Variants in KIAA1217 observed in about 807,000 individuals in gnomAD.
The protein encoded by KIAA1217 is sickle tail protein homolog.
Under a neutral mutation model 163.9 loss-of-function variants are expected in KIAA1217, and 88 were observed. The ratio of observed to expected loss-of-function variants is 0.54; its 90% CI spans 0.45 to 0.64. The LOEUF is 0.64. KIAA1217 is among the 30% of genes least tolerant of loss of function. The pLI, the probability that KIAA1217 is intolerant of heterozygous loss-of-function variation, is 0.00. For missense variants in KIAA1217, 2,372 were observed against 2,475.0 expected (o/e 0.96, Z 0.88); for synonymous variants, 903 against 923.1 (o/e 0.98, Z 0.39).
At position 23,812,683 on chromosome 10, in the gene KIAA1217, A is replaced by G. The variant is rs28674109; in HGVS notation, c.-321+117449A>G. 7.1e-3 allele frequency among the ~76,000 whole-genome samples: 1,074 copies of G among 152,224 alleles called. 19 individuals are homozygous for G. The highest frequency in any genetic ancestry group is 0.025 in the African/African-American group (1,031 of 41,532). ...CTGTGCCCACTGGCTGTGACACCCA[A>G]CACTGCCTCCCATCAATTTTCTACT... On this transcript the variant is annotated intron_variant, in intron 1 of 18. Coordinates refer to the KIAA1217 transcript ENST00000376462.
At chr10:23,800,976 T>C in intron 1 of KIAA1217, among the ~76,000 whole-genome samples, 1 of 152,168 alleles carries the variant, frequency 6.6e-6, no homozygotes, top group Middle Eastern at 3.2e-3. Flanking sequence ...CATTATTGGG[T>C]ATATACCCAA....
At chr10:23,980,958 A>C (rs1036491861) in intron 1 of KIAA1217, among the ~76,000 whole-genome samples, 1 of 152,174 alleles carries the variant, frequency 6.6e-6, no homozygotes, top group African/African-American at 2.4e-5. Flanking sequence ...AAATCTATGG[A>C]GTTCATTTGT....
rs1564394972 is a variant in KIAA1217, at chr10:24,279,289, T to TAAAAA, written c.354+59383_354+59387dup. 1.3e-4 allele frequency among the ~76,000 whole-genome samples: 19 copies of TAAAAA among 151,634 alleles called. 1 individual carries two copies. The highest frequency in any genetic ancestry group is 9.9e-4 in the Admixed American group (15 of 15,222). On this transcript the variant is annotated intron_variant, in intron 2 of 20. Transcript: ENST00000376454. The stretch of plus-strand genomic sequence containing the variant: ...GTTTTTGTTTGTTTGTTTTTTTTTT[T>TAAAAA]AAAAAAAGATCTGCAGAGGCTATTG...
intron 1 of KIAA1217, among the ~76,000 whole-genome samples, chr10:23,730,655 T>C (rs1014918936): frequency 2.7e-5 from 2 of 74,318 alleles, no homozygotes; most frequent in Non-Finnish European, 4.7e-5. Flanking sequence ...TTGTAGTGTC[T>C]TTATTTTATT....
intron 2 of KIAA1217, chr10:24,239,152 T>C (rs2072697483): frequency 1.0e-6 from 1 of 985,088 alleles, no homozygotes. Flanking sequence ...AGGCTACAAG[T>C]AGGTTTTATG....
intron 1 of KIAA1217, among the ~76,000 whole-genome samples, chr10:23,943,888 A>T (rs1311897375): frequency 6.6e-6 from 1 of 152,232 alleles, no homozygotes; most frequent in Non-Finnish European, 1.5e-5. Context: ...TACACAATGA[A>T]AAACTAAACT....
Position 23,962,823 on chromosome 10 carries a change from T to C in KIAA1217, c.-320-44402T>C, listed in dbSNP as rs139581827. 1.9e-3 allele frequency among the ~76,000 whole-genome samples: 293 copies of C among 152,342 alleles called. 3 individuals carry two copies. Among genetic ancestry groups the C allele is most frequent in the African/African-American group, 6.6e-3 (273 of 41,570 alleles). On this transcript the variant is annotated intron_variant, in intron 1 of 18. Transcript: ENST00000376462. ...GATAACTGACTTGAAGCTAAAATTT[T>C]ATATTTTTTAGAACGGAACATGACC...
At chr10:24,343,126 A>G (rs1378643966) in intron 2 of KIAA1217, among the ~76,000 whole-genome samples, 1 of 151,942 alleles carries the variant, frequency 6.6e-6, no homozygotes, top group African/African-American at 2.4e-5. Context: ...GCTGCACTGG[A>G]TGGTCTGTTC....
At chr10:24,051,117 C>CCA (rs1244793195) in intron 2 of KIAA1217, among the ~76,000 whole-genome samples, 1 of 152,156 alleles carries the variant, frequency 6.6e-6, no homozygotes, top group African/African-American at 2.4e-5. Context: ...TTATATCATT[C>CCA]TTACGCCTTT....
chr10:24,268,086 G>T (rs1243635326), intron 2 of KIAA1217, among the ~76,000 whole-genome samples: 1 of 152,082 alleles, frequency 6.6e-6, no homozygotes, highest in African/African-American at 2.4e-5. Context: ...ACGCGGGCAG[G>T]CACTATTTTA....
At chr10:23,800,951 T>G (rs553658084) in intron 1 of KIAA1217, among the ~76,000 whole-genome samples, 1 of 152,248 alleles carries the variant, frequency 6.6e-6, no homozygotes, top group South Asian at 2.1e-4. Flanking sequence ...GAAATACCAT[T>G]TGACCTAGCA....
intron 20 of KIAA1217, chr10:24,545,354 CA>C: frequency 7.3e-7 from 1 of 1,376,540 alleles, no homozygotes. Flanking sequence ...CACACGGTGC[CA>C]GACCAGGTGG....
chr10:23,907,069 A>G (rs1191363600), intron 1 of KIAA1217, among the ~76,000 whole-genome samples: 1 of 152,130 alleles, frequency 6.6e-6, no homozygotes, highest in African/African-American at 2.4e-5. Context: ...ATTTCTATAT[A>G]TAAATAATTG....
intron 2 of KIAA1217, among the ~76,000 whole-genome samples, chr10:24,115,413 C>T (rs537443999): frequency 3.9e-5 from 6 of 152,270 alleles, no homozygotes; most frequent in Admixed American, 2.0e-4. Context: ...AGGCAACTGG[C>T]AGTCATCAAA....
chr10:24,020,279 G>A (rs1373880963), intron 2 of KIAA1217, among the ~76,000 whole-genome samples: 1 of 152,128 alleles, frequency 6.6e-6, no homozygotes, highest in African/African-American at 2.4e-5. Context: ...AGGGAAGTTG[G>A]CTGTGAAAAT....
chr10:23,960,669 T>C (rs1054275119), intron 1 of KIAA1217, among the ~76,000 whole-genome samples: 1 of 152,256 alleles, frequency 6.6e-6, no homozygotes, highest in Non-Finnish European at 1.5e-5. Flanking sequence ...CTGATCCTAC[T>C]GTGCTTCATA....
intron 1 of KIAA1217, among the ~76,000 whole-genome samples, chr10:23,979,568 G>A (rs553477770): frequency 5.3e-5 from 8 of 152,116 alleles, no homozygotes; most frequent in African/African-American, 1.4e-4. Context: ...AAAATAAAAC[G>A]TTGATACGGA....
At chr10:23,948,984 C>T (rs1451866113) in intron 1 of KIAA1217, among the ~76,000 whole-genome samples, 1 of 152,072 alleles carries the variant, frequency 6.6e-6, no homozygotes, top group Admixed American at 6.6e-5. Flanking sequence ...CCTCAAAAAA[C>T]TCACAATTTG....
chr10:23,934,695 G>A (rs754944382), intron 1 of KIAA1217, among the ~76,000 whole-genome samples: 20 of 145,696 alleles, frequency 1.4e-4, no homozygotes, highest in Non-Finnish European at 2.5e-4. Context: ...TCGGCTCACT[G>A]CAAGCTCTGT....
Sources: gnomAD v4.1 joint callset for allele counts (sites outside exome capture counted in the v4.1 genomes callset) on GRCh38, gnomAD v4.1.1 for gene constraint, MANE v1.5 for transcripts, NCBI Gene and HGNC (gene_info 2026-07-23, HGNC 2026-07-21) for gene names.